Variants in AUTS2 observed in about 807,000 individuals in gnomAD.
The protein encoded by AUTS2 is activator of transcription and developmental regulator AUTS2.
A neutral mutation model predicts 112.4 loss-of-function variants in AUTS2; 17 were observed. The observed-to-expected ratio is 0.15, with a 90% CI of 0.10 to 0.23. The LOEUF (loss-of-function observed/expected upper bound fraction) is 0.23, where lower values mean the gene tolerates loss of function less well. AUTS2 is among the 10% of genes least tolerant of loss of function. The pLI, the probability that AUTS2 is intolerant of heterozygous loss-of-function variation, is 1.00. For missense variants in AUTS2, 1,510 were observed against 1,701.6 expected (o/e 0.89, Z 1.98); for synonymous variants, 751 against 702.7 (o/e 1.07, Z -1.09).
chr7:69,670,555 CAAAAAAAAAAAA>C (rs200373158), intron 1 of AUTS2, among the ~76,000 whole-genome samples: 19 of 119,058 alleles, frequency 1.6e-4, no homozygotes, highest in East Asian at 7.1e-4. Flanking sequence ...CTTGATCCCT[CAAAAAAAAAAAA>C]AAAAAAAAAA....
intron 2 of AUTS2, among the ~76,000 whole-genome samples, chr7:69,919,836 A>C (rs1325180380): frequency 6.6e-6 from 1 of 152,158 alleles, no homozygotes; most frequent in African/African-American, 2.4e-5. Flanking sequence ...TTTTAGATAA[A>C]CCAGCACTGA....
chr7:70,720,626 G>A (rs1275432189), intron 6 of AUTS2, among the ~76,000 whole-genome samples: 1 of 152,036 alleles, frequency 6.6e-6, no homozygotes, highest in Non-Finnish European at 1.5e-5. Context: ...TCTCATCCTG[G>A]CCACCAGACT....
At chr7:70,741,048 C>T (rs1027386090) in intron 6 of AUTS2, among the ~76,000 whole-genome samples, 16 of 151,140 alleles carry the variant, frequency 1.1e-4, no homozygotes, top group African/African-American at 3.7e-4. Context: ...GAGCTGAGAT[C>T]GCACCACCAC....
chr7:69,681,355 C>G (rs1400050445), intron 1 of AUTS2, among the ~76,000 whole-genome samples: 1 of 152,122 alleles, frequency 6.6e-6, no homozygotes, highest in African/African-American at 2.4e-5. Flanking sequence ...GGAGTCATAC[C>G]ATTTTGCAGT....
intron 11 of AUTS2, among the ~76,000 whole-genome samples, chr7:70,772,416 A>G (rs187135911): frequency 1.3e-5 from 2 of 152,362 alleles, no homozygotes; most frequent in Admixed American, 6.5e-5. Context: ...CTTTTTAAAT[A>G]TACTTACAAT....
At chr7:69,633,206 G>A (rs1339451125) in intron 1 of AUTS2, among the ~76,000 whole-genome samples, 1 of 151,682 alleles carries the variant, frequency 6.6e-6, no homozygotes, top group Admixed American at 6.6e-5. Context: ...TTCTGTGTCT[G>A]GTTTATTTCA....
In AUTS2 at chr7:70,026,329, A is replaced by G. The variant is rs570983117; in HGVS notation, c.523-91803A>G. On this transcript the variant is annotated intron_variant, in intron 2 of 18. Coordinates refer to ENST00000342771, the MANE Select transcript of AUTS2 (RefSeq NM_015570.4). ...CTAGCTTTAGTCACTGCCAGCAGCT[A>G]TTTCTAGGCTGTTGGCACTTTGAAG... Among the ~76,000 whole-genome samples, 26 of 152,226 alleles carry G rather than the reference A, an allele frequency of 1.7e-4. 1 individual carries two copies. The South Asian group carries it at 4.8e-3, about 28-fold the overall frequency.
intron 1 of AUTS2, among the ~76,000 whole-genome samples, chr7:69,819,706 G>A (rs1255916270): frequency 6.6e-6 from 1 of 152,174 alleles, no homozygotes; most frequent in Admixed American, 6.5e-5. Flanking sequence ...CCGCCTTGAC[G>A]TGCTGAGCTC....
chr7:69,684,143 T>A (rs1468627304), intron 1 of AUTS2, among the ~76,000 whole-genome samples: 1 of 152,098 alleles, frequency 6.6e-6, no homozygotes, highest in Non-Finnish European at 1.5e-5. Flanking sequence ...TTTTAACAGC[T>A]TTGTGTCTTG....
At position 70,496,480 on chromosome 7, in the gene AUTS2, C is replaced by T. The variant is rs1798515284; in HGVS notation, c.690+60699C>T. 2.2e-5 allele frequency among the ~76,000 whole-genome samples: 3 copies of T among 133,708 alleles called. No individual in the cohort carries two copies. The South Asian group carries it at 7.7e-4, about 34-fold the overall frequency. 87.7% of individuals were successfully genotyped at this position (133,708 alleles called of 152,430 possible). A position where few individuals can be genotyped will look rare whatever the true frequency, so the allele number is the denominator to read the frequency against. ...ACGTACACAGTCACACACACACACA[C>T]CCCACACACATGCACACGTCACATC... is the stretch of plus-strand genomic sequence containing the variant. On this transcript the variant is annotated intron_variant, in intron 5 of 18. Transcript: ENST00000342771.
chr7:70,146,595 C>T (rs1047805799), intron 4 of AUTS2, among the ~76,000 whole-genome samples: 27 of 152,020 alleles, frequency 1.8e-4, no homozygotes, highest in Admixed American at 7.9e-4. Flanking sequence ...CCTCTACCTC[C>T]ATTTGGTCCT....
chr7:70,463,380 G>A (rs1227783580), intron 5 of AUTS2, among the ~76,000 whole-genome samples: 2 of 152,198 alleles, frequency 1.3e-5, no homozygotes, highest in Non-Finnish European at 2.9e-5. Context: ...TTGACATTCT[G>A]ACTTTAACAT....
At chr7:69,959,129 T>C (rs1379707607) in intron 2 of AUTS2, among the ~76,000 whole-genome samples, 3 of 152,302 alleles carry the variant, frequency 2.0e-5, no homozygotes, top group Non-Finnish European at 2.9e-5. Context: ...GCACCTATTA[T>C]GGCAGTTGAT....
chr7:69,763,440 A>G (rs1788280263), intron 1 of AUTS2, among the ~76,000 whole-genome samples: 1 of 152,222 alleles, frequency 6.6e-6, no homozygotes, highest in South Asian at 2.1e-4. Context: ...GTAAGAAGTA[A>G]TAATATCTGC....
chr7:69,957,660 T>A (rs930658324), intron 2 of AUTS2, among the ~76,000 whole-genome samples: 2 of 152,124 alleles, frequency 1.3e-5, no homozygotes, highest in Non-Finnish European at 2.9e-5. Flanking sequence ...TCTGGAGGAC[T>A]AAGTAATTAT....
chr7:70,779,972 G>A (rs1790959036), intron 14 of AUTS2, among the ~76,000 whole-genome samples: 1 of 151,682 alleles, frequency 6.6e-6, no homozygotes, highest in African/African-American at 2.4e-5. Flanking sequence ...CTATGATTGT[G>A]CCACTGCATT....
intron 4 of AUTS2, among the ~76,000 whole-genome samples, chr7:70,398,907 G>C (rs1161959579): frequency 6.6e-6 from 1 of 151,742 alleles, no homozygotes; most frequent in African/African-American, 2.4e-5. Flanking sequence ...ATTTTATCAG[G>C]AATGAATGTT....
chr7:69,980,546 T>A (rs1373987260), intron 2 of AUTS2, among the ~76,000 whole-genome samples: 3 of 152,132 alleles, frequency 2.0e-5, no homozygotes, highest in Non-Finnish European at 4.4e-5. Flanking sequence ...TGGCATTATC[T>A]TTTCCATACT....
intron 2 of AUTS2, among the ~76,000 whole-genome samples, chr7:69,989,733 C>T (rs1213845159): frequency 6.6e-6 from 1 of 152,172 alleles, no homozygotes; most frequent in African/African-American, 2.4e-5. Context: ...ACAGGGACCC[C>T]CCGCCCCGGG....
Sources: allele counts gnomAD v4.1 joint callset (sites outside exome capture counted in the v4.1 genomes callset), GRCh38; gene constraint gnomAD v4.1.1; transcripts MANE v1.5; gene names NCBI Gene and HGNC (gene_info 2026-07-23, HGNC 2026-07-21).